Variants in GARIN1A observed in about 807,000 individuals in gnomAD.
The protein encoded by GARIN1A is golgi associated RAB2 interactor 1A.
chr7:128,688,888 T>C, the GARIN1A span, among the ~76,000 whole-genome samples: 2 of 137,866 alleles, frequency 1.5e-5, no homozygotes, highest in African/African-American at 5.5e-5. Context: ...CTCTGCTCAC[T>C]GCAACCTCCC....
At chr7:128,680,320 C>T in the GARIN1A span, among the ~76,000 whole-genome samples, 69,918 of 152,062 alleles carry the variant, frequency 0.46, 16,110 homozygotes, top group East Asian at 0.57. Context: ...GGTCTTTGGC[C>T]CTTTGATCTG....
the GARIN1A span, among the ~76,000 whole-genome samples, chr7:128,700,258 GTTTGT>G: frequency 1.3e-5 from 2 of 149,040 alleles, no homozygotes; most frequent in South Asian, 2.1e-4. Flanking sequence ...ATTTAGTAAG[GTTTGT>G]TTTGTTTTGT....
the GARIN1A span, chr7:128,685,480 A>G: frequency 3.9e-5 from 6 of 152,234 alleles, no homozygotes; most frequent in East Asian, 1.9e-4. Flanking sequence ...AAGAAAGAAC[A>G]TGGTTGCCCT....
At chr7:128,680,590 G>A in the GARIN1A span, among the ~76,000 whole-genome samples, 2 of 139,352 alleles carry the variant, frequency 1.4e-5, no homozygotes, top group Non-Finnish European at 3.1e-5. Context: ...TGGAGACAGA[G>A]TTTCACTCTT....
the GARIN1A span, among the ~76,000 whole-genome samples, chr7:128,682,175 T>G: frequency 1.3e-5 from 2 of 152,060 alleles, no homozygotes; most frequent in Admixed American, 1.3e-4. Context: ...GCTCTCTCTT[T>G]CAGCTTAAGG....
At chr7:128,702,159 A>T in the GARIN1A span, among the ~76,000 whole-genome samples, 1 of 152,220 alleles carries the variant, frequency 6.6e-6, no homozygotes, top group Non-Finnish European at 1.5e-5. Context: ...AAGAAATGTT[A>T]AAGAATATTC....
At chr7:128,705,693 C>G in the GARIN1A span, among the ~76,000 whole-genome samples, 1 of 118,322 alleles carries the variant, frequency 8.5e-6, no homozygotes, top group Non-Finnish European at 1.7e-5. Context: ...GAGACAGGAT[C>G]TCACTCTGTC....
At chr7:128,682,554 C>T in the GARIN1A span, among the ~76,000 whole-genome samples, 3 of 152,078 alleles carry the variant, frequency 2.0e-5, no homozygotes, top group Non-Finnish European at 4.4e-5. Flanking sequence ...TGGAAAAAGG[C>T]ATGATTAGAA....
chr7:128,673,058 G>A, the GARIN1A span, among the ~76,000 whole-genome samples: 1 of 152,218 alleles, frequency 6.6e-6, no homozygotes, highest in African/African-American at 2.4e-5. Context: ...GCCACTGGGA[G>A]TGGAAGGTGG....
At chr7:128,708,463 G>A in the GARIN1A span, among the ~76,000 whole-genome samples, 1 of 151,830 alleles carries the variant, frequency 6.6e-6, no homozygotes, top group Non-Finnish European at 1.5e-5. Flanking sequence ...GGTGAACCCA[G>A]CTGGGCTTTT....
chr7:128,685,766 T>C, the GARIN1A span: 87 of 152,340 alleles, frequency 5.7e-4, no homozygotes, highest in African/African-American at 2.1e-3. Context: ...TATTAATACA[T>C]ACCCATTTCA....
At chr7:128,674,227 A>C in the GARIN1A span, among the ~76,000 whole-genome samples, 1 of 152,224 alleles carries the variant, frequency 6.6e-6, no homozygotes, top group Non-Finnish European at 1.5e-5. Flanking sequence ...CCTGGGTAGC[A>C]GCAAACTTAG....
chr7:128,677,540 T>A, the GARIN1A span: 1 of 1,515,208 alleles, frequency 6.6e-7, no homozygotes. Context: ...GGCTCTCCCA[T>A]GGAAATGTCC....
At chr7:128,672,396 C>G in the GARIN1A span, 1 of 1,603,320 alleles carries the variant, frequency 6.2e-7, no homozygotes, top group South Asian at 1.1e-5. Flanking sequence ...TACCAAGAAC[C>G]AATGAGTAAA....
the GARIN1A span, chr7:128,693,320 C>T: frequency 1.3e-5 from 2 of 152,246 alleles, no homozygotes; most frequent in African/African-American, 4.8e-5. Context: ...AAATTAAGTA[C>T]ACTGCCTTGG....
the GARIN1A span, among the ~76,000 whole-genome samples, chr7:128,673,924 T>C: frequency 6.6e-6 from 1 of 152,170 alleles, no homozygotes; most frequent in South Asian, 2.1e-4. Context: ...TGCTTTTTTT[T>C]TGAGATGGAG....
the GARIN1A span, among the ~76,000 whole-genome samples, chr7:128,689,931 G>A: frequency 6.6e-5 from 10 of 152,074 alleles, no homozygotes; most frequent in Non-Finnish European, 1.5e-4. Flanking sequence ...ATTGAGAACG[G>A]GCCATGATGA....
the GARIN1A span, among the ~76,000 whole-genome samples, chr7:128,704,871 T>C: frequency 6.6e-6 from 1 of 152,220 alleles, no homozygotes; most frequent in Admixed American, 6.5e-5. Flanking sequence ...AATTTGCTTC[T>C]TACACAATAT....
chr7:128,692,033 T>G, the GARIN1A span, among the ~76,000 whole-genome samples: 2 of 152,358 alleles, frequency 1.3e-5, no homozygotes, highest in Non-Finnish European at 2.9e-5. Context: ...CCCTCCAGCT[T>G]ACTGCTTTTT....
Sources: allele counts gnomAD v4.1 joint callset (sites outside exome capture counted in the v4.1 genomes callset), GRCh38; gene constraint gnomAD v4.1.1; transcripts MANE v1.5; gene names NCBI Gene and HGNC (gene_info 2026-07-23, HGNC 2026-07-21).